LIPC: variants seen among roughly 807,000 people sequenced by gnomAD.
LIPC encodes the protein hepatic triacylglycerol lipase.
LIPC carries 44 observed loss-of-function variants against 50.7 expected under a neutral mutation model. That is an observed-to-expected ratio of 0.87 (90% CI 0.68 to 1.11). The LOEUF (loss-of-function observed/expected upper bound fraction) is 1.11, where lower values mean the gene tolerates loss of function less well. LIPC is among the 50% of genes most tolerant of loss of function. The pLI, the probability that LIPC is intolerant of heterozygous loss-of-function variation, is 0.00. For missense variants in LIPC, 697 were observed against 648.2 expected, an observed-to-expected ratio of 1.08 and a Z score of -0.82; for synonymous variants, 271 against 256.4, an observed-to-expected ratio of 1.06 and a Z score of -0.54.
At chr15:58,475,680 A>G (rs1186973665) in intron 1 of LIPC, among the ~76,000 whole-genome samples, 1 of 152,222 alleles carries the variant, frequency 6.6e-6, no homozygotes, top group East Asian at 1.9e-4. Context: ...AACCGTGAAT[A>G]AGTGGCTTCC....
chr15:58,475,459 T>C (rs1402561769), intron 1 of LIPC, among the ~76,000 whole-genome samples: 3 of 152,178 alleles, frequency 2.0e-5, no homozygotes, highest in Non-Finnish European at 4.4e-5. Context: ...TTTCCCTGCC[T>C]CTGCCCAACA....
intron 1 of LIPC, among the ~76,000 whole-genome samples, chr15:58,465,604 C>T (rs1894529180): frequency 6.8e-6 from 1 of 146,090 alleles, no homozygotes; most frequent in Non-Finnish European, 1.5e-5. Flanking sequence ...CGTAACATAA[C>T]GGATGGAGTC....
At chr15:58,459,496 A>T (rs1178150237) in intron 1 of LIPC, among the ~76,000 whole-genome samples, 1 of 151,940 alleles carries the variant, frequency 6.6e-6, no homozygotes, top group Non-Finnish European at 1.5e-5. Context: ...CATGGTCCAG[A>T]TTTTCAGGAA....
intron 1 of LIPC, among the ~76,000 whole-genome samples, chr15:58,484,717 G>A (rs1256982233): frequency 8.1e-5 from 1 of 12,310 alleles, no homozygotes; most frequent in African/African-American, 2.9e-4. Flanking sequence ...CACTCCTACC[G>A]TCGGGCCACA....
At chr15:58,519,665 T>A (rs1311743519) in intron 1 of LIPC, among the ~76,000 whole-genome samples, 3 of 152,240 alleles carry the variant, frequency 2.0e-5, no homozygotes, top group Admixed American at 6.5e-5. Context: ...GAGCTCTTCA[T>A]CAATAGACTG....
intron 1 of LIPC, chr15:58,435,451 T>A (rs1180764153): frequency 6.6e-6 from 1 of 150,770 alleles, no homozygotes; most frequent in Non-Finnish European, 1.5e-5. Flanking sequence ...CGTCCCCACC[T>A]TGCAGGAATT....
intron 1 of LIPC, among the ~76,000 whole-genome samples, chr15:58,463,914 G>A (rs1894443313): frequency 6.6e-6 from 1 of 152,056 alleles, no homozygotes; most frequent in African/African-American, 2.4e-5. Context: ...AAACACTTCT[G>A]ACCCGAAAAG....
At chr15:58,450,423 G>C (rs527961067) in intron 1 of LIPC, among the ~76,000 whole-genome samples, 3 of 152,332 alleles carry the variant, frequency 2.0e-5, no homozygotes, top group African/African-American at 7.2e-5. Context: ...CTCAGAACAA[G>C]AGTGGGAAGC....
chr15:58,550,833 T>C (rs1595945148), intron 6 of LIPC, among the ~76,000 whole-genome samples: 1 of 119,686 alleles, frequency 8.4e-6, no homozygotes, highest in Non-Finnish European at 1.7e-5. Flanking sequence ...TACTTTTTTT[T>C]TTTTTTTTTT....
intron 6 of LIPC, among the ~76,000 whole-genome samples, chr15:58,560,060 G>A (rs1198891090): frequency 6.6e-6 from 1 of 152,190 alleles, no homozygotes; most frequent in Non-Finnish European, 1.5e-5. Flanking sequence ...ATGAGTAAAT[G>A]AGATGATGCA....
intron 4 of LIPC, among the ~76,000 whole-genome samples, 156 bp downstream of exon 4, chr15:58,542,807 C>A (rs1331845067): frequency 1.3e-5 from 2 of 152,180 alleles, no homozygotes; most frequent in Non-Finnish European, 2.9e-5. Flanking sequence ...TCAAACATGA[C>A]CAATGTCATG....
intron 1 of LIPC, chr15:58,521,347 A>C (rs1237781045): frequency 6.6e-6 from 1 of 152,300 alleles, no homozygotes; most frequent in Non-Finnish European, 1.5e-5. Flanking sequence ...TGAAATGGGA[A>C]ATAAACAGCC....
chr15:58,432,199 C>G, intron 1 of LIPC, 79 bp downstream of exon 1: 1 of 1,086,610 alleles, frequency 9.2e-7, no homozygotes, highest in Non-Finnish European at 1.4e-6. Context: ...CCAGGGGTTT[C>G]TGACTGTATG....
At chr15:58,482,124 G>T (rs1323248114) in intron 1 of LIPC, among the ~76,000 whole-genome samples, 1 of 151,926 alleles carries the variant, frequency 6.6e-6, no homozygotes, top group African/African-American at 2.4e-5. Flanking sequence ...TTTTTAATCA[G>T]ATGATGAAGT....
intron 6 of LIPC, among the ~76,000 whole-genome samples, chr15:58,560,524 C>T (rs958746835): frequency 6.6e-6 from 1 of 152,174 alleles, no homozygotes; most frequent in African/African-American, 2.4e-5. Flanking sequence ...CGAAAGGAGA[C>T]CCTCACCAAA....
intron 1 of LIPC, among the ~76,000 whole-genome samples, chr15:58,518,938 C>T (rs1227612863): frequency 1.3e-5 from 2 of 149,170 alleles, no homozygotes; most frequent in Non-Finnish European, 3.0e-5. Context: ...CGATTCGTCA[C>T]CTAAAAAAAA....
chr15:58,443,376 C>T (rs1367535511), intron 1 of LIPC, among the ~76,000 whole-genome samples: 2 of 152,156 alleles, frequency 1.3e-5, no homozygotes, highest in Admixed American at 6.5e-5. Context: ...GCCCTGGACC[C>T]CTCACATCTC....
At chr15:58,491,693 T>C (rs750420261) in intron 1 of LIPC, among the ~76,000 whole-genome samples, 5 of 152,160 alleles carry the variant, frequency 3.3e-5, no homozygotes, top group Non-Finnish European at 7.4e-5. Flanking sequence ...CAGTGTGTGG[T>C]AAAACTTCTG....
At chr15:58,457,482 C>T (rs1595865020) in intron 1 of LIPC, among the ~76,000 whole-genome samples, 4 of 152,342 alleles carry the variant, frequency 2.6e-5, no homozygotes, top group East Asian at 1.9e-4. Flanking sequence ...ACCCCGTTTA[C>T]GATATGCCAC....
Sources: gnomAD v4.1 joint callset for allele counts (sites outside exome capture counted in the v4.1 genomes callset) on GRCh38, gnomAD v4.1.1 for gene constraint, MANE v1.5 for transcripts, NCBI Gene and HGNC (gene_info 2026-07-23, HGNC 2026-07-21) for gene names.